The following PLPPR1 variants were observed in gnomAD, a reference collection of about 807,000 sequenced individuals.
PLPPR1 encodes phospholipid phosphatase-related protein type 1.
PLPPR1 carries 10 observed loss-of-function variants against 33.1 expected under a neutral mutation model. The observed-to-expected ratio is 0.30, with a 90% CI of 0.19 to 0.51. The LOEUF (loss-of-function observed/expected upper bound fraction) is 0.51. Ranked by LOEUF, PLPPR1 falls within the 20% of genes least tolerant of loss-of-function variation. The pLI is 0.97. For missense variants in PLPPR1, 304 were observed against 408.1 expected (o/e 0.74, Z 2.20); for synonymous variants, 151 against 151.0 (o/e 1.00, Z 0.00).
At chr9:101,260,165 CT>C (rs1258764321) in intron 2 of PLPPR1, among the ~76,000 whole-genome samples, 2 of 152,130 alleles carry the variant, frequency 1.3e-5, no homozygotes, top group Admixed American at 6.6e-5. Flanking sequence ...ATTCATGAGA[CT>C]GGGACCCCAC....
intron 2 of PLPPR1, among the ~76,000 whole-genome samples, chr9:101,262,638 G>C (rs1187360912): frequency 2.0e-5 from 3 of 152,268 alleles, no homozygotes; most frequent in Admixed American, 6.5e-5. Context: ...ATTTGAGCCA[G>C]CAATCCCATT....
At position 101,325,092 on chromosome 9, in the gene PLPPR1, TA is replaced by T. The variant is rs1829228832; in HGVS notation, c.*1036del. 1 of 152,154 alleles carries T rather than the reference TA, an allele frequency of 6.6e-6. No individual in the cohort carries two copies. The highest frequency in any genetic ancestry group is 1.5e-5 in the Non-Finnish European group (1 of 68,026). 9.4% of individuals were successfully genotyped at this position (152,154 alleles called of 1,614,324 possible). ...GGCTCTTCTCAGCTTTTTTTGTACA[TA>T]TTTTTTTTTTCTAAAGAGAAGAAAA... is the stretch of plus-strand genomic sequence containing the variant. On this transcript the variant is annotated 3_prime_UTR_variant, in exon 8 of 8. Coordinates refer to ENST00000374874, the MANE Select transcript of PLPPR1 (RefSeq NM_207299.2).
chr9:101,189,078 A>T (rs1826252511), intron 2 of PLPPR1, among the ~76,000 whole-genome samples: 1 of 152,096 alleles, frequency 6.6e-6, no homozygotes, highest in Non-Finnish European at 1.5e-5. Context: ...AATATGAGTG[A>T]CCACGCCCTG....
At chr9:101,259,180 A>T (rs571474040) in intron 2 of PLPPR1, among the ~76,000 whole-genome samples, 1 of 152,198 alleles carries the variant, frequency 6.6e-6, no homozygotes, top group East Asian at 1.9e-4. Flanking sequence ...AGGATGTAGT[A>T]TTTGTATTTA....
intron 2 of PLPPR1, among the ~76,000 whole-genome samples, chr9:101,244,473 A>G (rs114152645): frequency 0.011 from 1,677 of 151,932 alleles, 28 homozygotes; most frequent in African/African-American, 0.038. Context: ...AGTTACATCT[A>G]CGCTCTCTCA....
intron 1 of PLPPR1, among the ~76,000 whole-genome samples, chr9:101,132,575 A>G (rs756799554): frequency 1.2e-4 from 19 of 152,166 alleles, no homozygotes; most frequent in Admixed American, 4.6e-4. Flanking sequence ...ATGATACTAT[A>G]ATGATGGATA....
At chr9:101,122,010 A>G (rs1831183383) in intron 1 of PLPPR1, among the ~76,000 whole-genome samples, 1 of 152,212 alleles carries the variant, frequency 6.6e-6, no homozygotes, top group African/African-American at 2.4e-5. Context: ...ATTTTCCAAT[A>G]CTGTCTAGAA....
chr9:101,031,965 G>T (rs649414), intron 1 of PLPPR1, among the ~76,000 whole-genome samples: 95,199 of 151,816 alleles, frequency 0.63, 30,768 homozygotes, highest in East Asian at 0.9. Context: ...CAAAGGGAGG[G>T]CATCCAACTC....
chr9:101,265,063 T>C (rs912834067), intron 2 of PLPPR1, among the ~76,000 whole-genome samples: 1 of 152,208 alleles, frequency 6.6e-6, no homozygotes, highest in Admixed American at 6.5e-5. Flanking sequence ...CTTAACAGCC[T>C]GTTGGAAAAG....
At chr9:101,285,242 TG>T (rs1457136475) in intron 3 of PLPPR1, among the ~76,000 whole-genome samples, 1 of 152,102 alleles carries the variant, frequency 6.6e-6, no homozygotes, top group East Asian at 1.9e-4. Context: ...TTGTTTTAAA[TG>T]GGAATACACT....
Position 101,193,678 on chromosome 9 carries a change from A to G in PLPPR1, c.63+8121A>G, listed in dbSNP as rs377080462. 3.3e-4 allele frequency among the ~76,000 whole-genome samples: 51 copies of G among 152,334 alleles called. 1 individual carries two copies. Among genetic ancestry groups the G allele is most frequent in the Middle Eastern group, 3.4e-3 (1 of 294 alleles). ...TGGTATTTTAGTATAAAACTGGAGT[A>G]CTGAAAAAATCAATAGGATAATATT... On this transcript the variant is annotated intron_variant, in intron 2 of 7. Transcript: ENST00000374874.
At chr9:101,235,505 T>C (rs534474856) in intron 2 of PLPPR1, among the ~76,000 whole-genome samples, 2 of 152,016 alleles carry the variant, frequency 1.3e-5, no homozygotes, top group South Asian at 2.1e-4. Flanking sequence ...TTCATTTATC[T>C]TGGAAAAACC....
intron 1 of PLPPR1, among the ~76,000 whole-genome samples, chr9:101,120,981 G>C (rs1831172664): frequency 6.6e-6 from 1 of 152,150 alleles, no homozygotes; most frequent in Non-Finnish European, 1.5e-5. Context: ...AGATTGATGG[G>C]GCTGATTCAC....
At chr9:101,319,306 A>G (rs529833517) in intron 7 of PLPPR1, among the ~76,000 whole-genome samples, 1 of 152,288 alleles carries the variant, frequency 6.6e-6, no homozygotes, top group East Asian at 1.9e-4. Context: ...CCTCCCAAGT[A>G]GCTGGGACTA....
At chr9:101,210,658 G>C (rs932490061) in intron 2 of PLPPR1, among the ~76,000 whole-genome samples, 1 of 152,176 alleles carries the variant, frequency 6.6e-6, no homozygotes, top group African/African-American at 2.4e-5. Flanking sequence ...TTTAGAAGAA[G>C]AATGCAATCT....
At chr9:101,277,553 A>T (rs769072387) in intron 3 of PLPPR1, among the ~76,000 whole-genome samples, 8 of 152,166 alleles carry the variant, frequency 5.3e-5, no homozygotes, top group Non-Finnish European at 8.8e-5. Context: ...CAGTTACATG[A>T]TTTCAGTTTC....
intron 1 of PLPPR1, among the ~76,000 whole-genome samples, chr9:101,157,598 T>C (rs1467923338): frequency 6.6e-6 from 1 of 152,190 alleles, no homozygotes; most frequent in Non-Finnish European, 1.5e-5. Flanking sequence ...GGAATATCGG[T>C]ACTTAAATAG....
intron 2 of PLPPR1, among the ~76,000 whole-genome samples, chr9:101,217,271 T>C (rs1826818680): frequency 6.6e-6 from 1 of 152,082 alleles, no homozygotes; most frequent in African/African-American, 2.4e-5. Context: ...TGTTTTGACA[T>C]GAATGTCATA....
chr9:101,125,676 C>T, intron 1 of PLPPR1: 1 of 622,430 alleles, frequency 1.6e-6, no homozygotes. Context: ...TTTAGCAAAA[C>T]AATGACCATT....
Sources: allele counts gnomAD v4.1 joint callset (sites outside exome capture counted in the v4.1 genomes callset), GRCh38; gene constraint gnomAD v4.1.1; transcripts MANE v1.5; gene names NCBI Gene and HGNC (gene_info 2026-07-23, HGNC 2026-07-21).